NTN1: variants seen among roughly 807,000 people sequenced by gnomAD.
The protein encoded by NTN1 is netrin 1, also known as netrin-1.
Under a neutral mutation model 54.2 loss-of-function variants are expected in NTN1, and 11 were observed. That is an observed-to-expected ratio of 0.20 (90% CI 0.13 to 0.34). The LOEUF (loss-of-function observed/expected upper bound fraction) is 0.34. Among genes scored for constraint, NTN1 ranks in the 10% least tolerant of loss-of-function variants. The pLI is 1.00. For synonymous variants in NTN1, 371 were observed against 382.0 expected, an observed-to-expected ratio of 0.97 and a Z score of 0.33; for missense variants, 740 against 893.1, an observed-to-expected ratio of 0.83 and a Z score of 2.18.
intron 2 of NTN1, among the ~76,000 whole-genome samples, chr17:9,043,549 A>G (rs1391953232): frequency 6.7e-6 from 1 of 150,360 alleles, no homozygotes; most frequent in Non-Finnish European, 1.5e-5. Flanking sequence ...CTTTTTTATC[A>G]TCTTCTAATT....
chr17:9,213,036 C>T lies in NTN1; in HGVS notation c.1412-8132C>T, dbSNP rs556214594. On this transcript the variant is annotated intron_variant, in intron 5 of 6. Transcript: ENST00000173229. ...ACCCAAGGTGGAGGAAGAGGCAGGACGGTCTCGGCCGCTGGGATTGGGCCT... is the reference window on the plus strand; with the variant it reads ...ACCCAAGGTGGAGGAAGAGGCAGGATGGTCTCGGCCGCTGGGATTGGGCCT... Among the ~76,000 whole-genome samples the T allele has an allele frequency of 1.1e-4, 17 of 152,322 alleles. No individual in the cohort carries two copies. In the East Asian group the frequency reaches 1.2e-3, roughly 10 times the overall value.
chr17:9,127,073 G>GGT (rs1555570068), intron 2 of NTN1, among the ~76,000 whole-genome samples: 1 of 150,188 alleles, frequency 6.7e-6, no homozygotes, highest in Non-Finnish European at 1.5e-5. Flanking sequence ...GGTAGGGCCG[G>GGT]GGGGGGGCAG....
At chr17:9,044,004 G>A (rs1380308323) in intron 2 of NTN1, among the ~76,000 whole-genome samples, 1 of 151,910 alleles carries the variant, frequency 6.6e-6, no homozygotes, top group Non-Finnish European at 1.5e-5. Context: ...TTCCTGTTGA[G>A]CATTAAAACT....
At chr17:9,160,709 T>C (rs1836572134) in intron 2 of NTN1, among the ~76,000 whole-genome samples, 1 of 152,178 alleles carries the variant, frequency 6.6e-6, no homozygotes, top group Non-Finnish European at 1.5e-5. Context: ...TCCCAGCACT[T>C]TGGGAGACCA....
Position 9,241,117 on chromosome 17 carries a change from G to A in NTN1, c.*1149G>A, listed in dbSNP as rs939866812. ...CCGGGGGCTTGTTTGAGCTGGGATG[G>A]GGTTTGCTGGCTCAGTGAAGTACCA... On this transcript the variant is annotated 3_prime_UTR_variant, in exon 7 of 7. Coordinates refer to ENST00000173229, the MANE Select transcript of NTN1 (RefSeq NM_004822.3). The A allele has an allele frequency of 6.6e-6, 1 of 152,454 alleles. No homozygotes were observed. Among genetic ancestry groups the A allele is most frequent in the African/African-American group, 2.4e-5 (1 of 41,456 alleles). 9.4% of individuals were successfully genotyped at this position (152,454 alleles called of 1,614,324 possible).
chr17:9,110,574 C>T (rs981407830), intron 2 of NTN1, among the ~76,000 whole-genome samples: 14 of 152,072 alleles, frequency 9.2e-5, no homozygotes, highest in African/African-American at 2.2e-4. Flanking sequence ...CACCCAGCCC[C>T]TCCTGCCTCT....
intron 2 of NTN1, among the ~76,000 whole-genome samples, chr17:9,160,589 T>C (rs1345153224): frequency 6.6e-6 from 1 of 152,222 alleles, no homozygotes; most frequent in Non-Finnish European, 1.5e-5. Flanking sequence ...CTGTAGCAAC[T>C]GTGGTTGGTA....
intron 2 of NTN1, among the ~76,000 whole-genome samples, chr17:9,080,847 T>C (rs2092068224): frequency 6.6e-6 from 1 of 152,096 alleles, no homozygotes; most frequent in African/African-American, 2.4e-5. Context: ...CATGTGGAGG[T>C]TCCTAGAGGG....
chr17:9,140,590 G>A (rs1401261444), intron 2 of NTN1, among the ~76,000 whole-genome samples: 1 of 152,106 alleles, frequency 6.6e-6, no homozygotes, highest in East Asian at 1.9e-4. Flanking sequence ...GGAGGCCAGA[G>A]GTAAAGGCAG....
chr17:9,046,734 T>C lies in NTN1; in HGVS notation c.1018+23343T>C, dbSNP rs561062011. 4.7e-4 allele frequency among the ~76,000 whole-genome samples: 71 copies of C among 152,172 alleles called. 1 individual carries two copies. Among genetic ancestry groups the C allele is most frequent in the African/African-American group, 1.5e-3 (64 of 41,504 alleles). ...CCCAGGAGGTCGAGTTACAGTAAGCTGAGATTGTGCTACTGCACTCCAGCC... is the reference window on the plus strand; with the variant it reads ...CCCAGGAGGTCGAGTTACAGTAAGCCGAGATTGTGCTACTGCACTCCAGCC... On this transcript the variant is annotated intron_variant, in intron 2 of 6. Transcript: ENST00000173229.
intron 2 of NTN1, among the ~76,000 whole-genome samples, chr17:9,057,798 T>A (rs2091983965): frequency 6.6e-6 from 1 of 152,232 alleles, no homozygotes; most frequent in South Asian, 2.1e-4. Flanking sequence ...GAATCGTATT[T>A]TTACAGGTCC....
chr17:9,006,854 A>T, the NTN1 span, among the ~76,000 whole-genome samples: 4 of 152,216 alleles, frequency 2.6e-5, no homozygotes, highest in Non-Finnish European at 5.9e-5. Flanking sequence ...AGAAAGATAT[A>T]TTAGTAGCAC....
intron 2 of NTN1, among the ~76,000 whole-genome samples, chr17:9,067,826 G>A (rs2092020035): frequency 6.6e-6 from 1 of 152,226 alleles, no homozygotes; most frequent in Admixed American, 6.5e-5. Flanking sequence ...TGGGAGCTAG[G>A]TCCATCCCTC....
At chr17:9,087,834 C>G (rs2092094637) in intron 2 of NTN1, among the ~76,000 whole-genome samples, 1 of 152,180 alleles carries the variant, frequency 6.6e-6, no homozygotes, top group South Asian at 2.1e-4. Context: ...AACAGTTGAC[C>G]CTGTGTGAGG....
rs563116197 is a variant in NTN1, at chr17:9,115,681, G to A, written c.1019-47132G>A. Among the ~76,000 whole-genome samples the A allele has an allele frequency of 1.3e-4, 20 of 152,378 alleles. No individual in the cohort carries two copies. In the South Asian group the frequency reaches 3.5e-3, roughly 27 times the overall value. ...GTGCCCTGACTCATCCTTCCCCCCC[G>A]GGGCGGGGACAAACGGCTCTGACAT... is the stretch of plus-strand genomic sequence containing the variant. On this transcript the variant is annotated intron_variant, in intron 2 of 6. Transcript: ENST00000173229.
chr17:9,034,802 G>A lies in NTN1; in HGVS notation c.1018+11411G>A, dbSNP rs188844751. 2.6e-5 allele frequency among the ~76,000 whole-genome samples: 4 copies of A among 152,272 alleles called. No individual in the cohort carries two copies. The East Asian group carries it at 5.8e-4, about 22-fold the overall frequency. ...CCATGAATTATGTGTCCAGTGCAAAGACTATTCATGATATGCACACGCTTG... is the reference window on the plus strand; with the variant it reads ...CCATGAATTATGTGTCCAGTGCAAAAACTATTCATGATATGCACACGCTTG... On this transcript the variant is annotated intron_variant, in intron 2 of 6. Transcript: ENST00000173229.
intron 2 of NTN1, among the ~76,000 whole-genome samples, chr17:9,047,755 C>T (rs996674866): frequency 1.1e-4 from 16 of 150,690 alleles, no homozygotes; most frequent in African/African-American, 3.2e-4. Context: ...AGTGCAATGG[C>T]GCGATCTCGG....
At chr17:9,095,147 A>G (rs1325180061) in intron 2 of NTN1, among the ~76,000 whole-genome samples, 1 of 152,140 alleles carries the variant, frequency 6.6e-6, no homozygotes, top group Non-Finnish European at 1.5e-5. Context: ...TTGAGGGATG[A>G]ATATTTTGTT....
intron 5 of NTN1, among the ~76,000 whole-genome samples, chr17:9,185,660 G>T (rs1467137618): frequency 6.6e-6 from 1 of 152,072 alleles, no homozygotes; most frequent in Non-Finnish European, 1.5e-5. Flanking sequence ...ACTCAAAAAG[G>T]GCATGGTACC....
Sources: gnomAD v4.1 joint callset for allele counts (sites outside exome capture counted in the v4.1 genomes callset) on GRCh38, gnomAD v4.1.1 for gene constraint, MANE v1.5 for transcripts, NCBI Gene and HGNC (gene_info 2026-07-23, HGNC 2026-07-21) for gene names.